Variants in KAZN observed in about 807,000 individuals in gnomAD.
KAZN encodes the protein kazrin, periplakin interacting protein.
Under a neutral mutation model 87.4 loss-of-function variants are expected in KAZN, and 40 were observed. The observed-to-expected ratio is 0.46, with a 90% confidence interval of 0.36 to 0.60. The LOEUF (loss-of-function observed/expected upper bound fraction) is 0.60, where lower values mean the gene tolerates loss of function less well. Ranked by LOEUF, KAZN falls within the 20% of genes least tolerant of loss-of-function variation. KAZN has a pLI of 0.00. For synonymous variants in KAZN, 466 were observed against 458.3 expected (o/e 1.02, Z -0.22); for missense variants, 898 against 1,073.9 (o/e 0.84, Z 2.29).
chr1:14,232,912 T>G (rs1209012326), intron 2 of KAZN, among the ~76,000 whole-genome samples: 1 of 152,104 alleles, frequency 6.6e-6, no homozygotes, highest in Non-Finnish European at 1.5e-5. Context: ...TTTTTTAGGG[T>G]AAAGAACTTT....
intron 1 of KAZN, among the ~76,000 whole-genome samples, chr1:14,723,408 C>T (rs890506034): frequency 3.3e-5 from 5 of 152,150 alleles, no homozygotes; most frequent in African/African-American, 7.2e-5. Flanking sequence ...GTCCTCAGGT[C>T]CCGGGGCAGC....
chr1:14,977,431 C>T (rs372736016), intron 2 of KAZN, among the ~76,000 whole-genome samples: 12 of 152,336 alleles, frequency 7.9e-5, no homozygotes, highest in East Asian at 5.8e-4. Flanking sequence ...CAACGTGCCC[C>T]GACCCTGCCT....
intron 2 of KAZN, among the ~76,000 whole-genome samples, chr1:14,383,618 A>G (rs958451028): frequency 6.6e-6 from 1 of 151,940 alleles, no homozygotes; most frequent in East Asian, 1.9e-4. Context: ...CAAAGATCAG[A>G]TAGTTGTAGA....
At chr1:14,459,188 C>T (rs1349998720) in intron 2 of KAZN, among the ~76,000 whole-genome samples, 1 of 152,062 alleles carries the variant, frequency 6.6e-6, no homozygotes, top group Non-Finnish European at 1.5e-5. Flanking sequence ...TTGCCATTTC[C>T]CCCTACCCTG....
At chr1:14,975,404 G>A (rs1258710433) in intron 2 of KAZN, among the ~76,000 whole-genome samples, 1 of 152,218 alleles carries the variant, frequency 6.6e-6, no homozygotes, top group Non-Finnish European at 1.5e-5. Flanking sequence ...AGCAGAAGGA[G>A]AGGCATTTTT....
rs1639791640 is a variant in KAZN at position 15,077,026 on chromosome 1, C to A, written c.1222+11273C>A. 6.6e-6 allele frequency among the ~76,000 whole-genome samples: 1 copy of A among 152,212 alleles called. No individual in the cohort carries two copies. ...CACGTGGGGCCAGCACGTGCTGTAGCAAAAGGAAGCAGCTCTGCTCACTCC... is the reference window on the plus strand; with the variant it reads ...CACGTGGGGCCAGCACGTGCTGTAGAAAAAGGAAGCAGCTCTGCTCACTCC... On this transcript the variant is annotated intron_variant, in intron 8 of 14. Transcript: ENST00000376030. This position sits in a 1 kb window ranked among gnomAD's most constrained non-coding sequence, Gnocchi z 4.8.
intron 1 of KAZN, among the ~76,000 whole-genome samples, chr1:14,084,316 C>T (rs1007903659): frequency 6.6e-6 from 1 of 152,116 alleles, no homozygotes; most frequent in East Asian, 1.9e-4. Context: ...AGGTGGTAGG[C>T]AGAAGAGCAT....
chr1:14,365,378 G>GT (rs1659908651), intron 2 of KAZN, among the ~76,000 whole-genome samples: 1 of 144,762 alleles, frequency 6.9e-6, no homozygotes, highest in South Asian at 2.2e-4. Flanking sequence ...TGGGGGGGGG[G>GT]GGGGTCTTTC....
In KAZN at chr1:13,901,593, G is replaced by A. The variant is rs566945232; in HGVS notation, c.91+7837G>A. Among the ~76,000 whole-genome samples, 3 of 152,222 alleles carry A rather than the reference G, an allele frequency of 2.0e-5. 1 individual carries two copies. The highest frequency in any genetic ancestry group is 7.2e-5 in the African/African-American group (3 of 41,556). On this transcript the variant is annotated intron_variant, in intron 1 of 16. Coordinates refer to the KAZN transcript ENST00000636203. ...CCAATGAAAGGTTTGAAATTCCAGA[G>A]GCCAAACTCTCCAGCTGCGTCCTGC...
chr1:14,960,566 G>A (rs1026009084), intron 1 of KAZN, 118 bp from the exon 2 acceptor site: 1 of 1,053,822 alleles, frequency 9.5e-7, no homozygotes, highest in Non-Finnish European at 1.4e-6. Flanking sequence ...ACACATGTAG[G>A]AAAGGCCCTG....
chr1:14,540,784 C>G (rs1162202936), intron 2 of KAZN, among the ~76,000 whole-genome samples: 2 of 152,140 alleles, frequency 1.3e-5, no homozygotes, highest in Non-Finnish European at 2.9e-5. Context: ...AATAAATTTG[C>G]TTTGTCCTAA....
At chr1:14,189,784 G>A (rs942570917) in intron 2 of KAZN, among the ~76,000 whole-genome samples, 1 of 152,128 alleles carries the variant, frequency 6.6e-6, no homozygotes, top group Admixed American at 6.6e-5. Flanking sequence ...TTATCACCAA[G>A]AGGTATAAAA....
intron 2 of KAZN, among the ~76,000 whole-genome samples, chr1:14,233,878 T>C (rs1192963121): frequency 6.6e-6 from 1 of 152,110 alleles, no homozygotes; most frequent in East Asian, 1.9e-4. Context: ...AGAATGGTGA[T>C]TATTAAAAAG....
At chr1:14,035,955 C>G (rs1228424412) in intron 1 of KAZN, among the ~76,000 whole-genome samples, 1 of 152,190 alleles carries the variant, frequency 6.6e-6, no homozygotes, top group Non-Finnish European at 1.5e-5. Context: ...CCTTGGCAGG[C>G]TCAGGCTTCA....
At chr1:14,559,008 A>G (rs545795088) in intron 2 of KAZN, among the ~76,000 whole-genome samples, 2 of 152,028 alleles carry the variant, frequency 1.3e-5, no homozygotes, top group Non-Finnish European at 2.9e-5. Flanking sequence ...CATGGCCCCA[A>G]ATGGTTGCTC....
chr1:13,911,889 A>T (rs1006487693), intron 1 of KAZN, among the ~76,000 whole-genome samples: 6 of 152,150 alleles, frequency 3.9e-5, no homozygotes, highest in African/African-American at 1.4e-4. Flanking sequence ...GGTGGTTCTA[A>T]GAAGTGAAGG....
chr1:13,962,842 G>A (rs559437949), intron 1 of KAZN, among the ~76,000 whole-genome samples: 2 of 152,342 alleles, frequency 1.3e-5, no homozygotes, highest in Non-Finnish European at 2.9e-5. Flanking sequence ...ACAGGCATGA[G>A]CCACTGCACC....
At chr1:14,811,989 G>T (rs1317656025) in intron 1 of KAZN, among the ~76,000 whole-genome samples, 2 of 152,176 alleles carry the variant, frequency 1.3e-5, no homozygotes, top group East Asian at 3.8e-4. Flanking sequence ...TGCAGATGGT[G>T]ATCCCGATAA....
chr1:14,264,590 C>T (rs1246209028), intron 2 of KAZN, among the ~76,000 whole-genome samples: 1 of 152,176 alleles, frequency 6.6e-6, no homozygotes, highest in African/African-American at 2.4e-5. Context: ...TGCCCTTCTA[C>T]CATCTGCCAT....
Sources: gnomAD v4.1 joint callset for allele counts (sites outside exome capture counted in the v4.1 genomes callset) on GRCh38, gnomAD v4.1.1 for gene constraint, Gnocchi (gnomAD v3.1) non-coding constraint, MANE v1.5 for transcripts, NCBI Gene and HGNC (gene_info 2026-07-23, HGNC 2026-07-21) for gene names.